The following SNTG1 variants were observed in gnomAD, a reference collection of about 807,000 sequenced individuals.
SNTG1 encodes the protein syntrophin gamma 1.
SNTG1 carries 39 observed loss-of-function variants against 74.7 expected under a neutral mutation model. The ratio of observed to expected loss-of-function variants is 0.52; its 90% CI spans 0.40 to 0.68. SNTG1 has a LOEUF of 0.68. Among genes scored for constraint, SNTG1 ranks in the 30% least tolerant of loss-of-function variants. The pLI is 0.00. For missense variants in SNTG1, 685 were observed against 609.5 expected (o/e 1.12, Z -1.30); for synonymous variants, 254 against 217.1 (o/e 1.17, Z -1.49).
chr8:50,021,948 ATAAAAAT>A (rs1375825119), intron 1 of SNTG1, among the ~76,000 whole-genome samples: 7 of 141,194 alleles, frequency 5.0e-5, no homozygotes, highest in African/African-American at 1.8e-4. Context: ...CAAAAAAAAA[ATAAAAAT>A]AAAAATAAAA....
chr8:49,971,375 T>C (rs963710488), intron 1 of SNTG1, among the ~76,000 whole-genome samples: 10 of 152,212 alleles, frequency 6.6e-5, no homozygotes, highest in Middle Eastern at 3.4e-3. Flanking sequence ...CTCAAAATAA[T>C]AAGAGCTATC....
In SNTG1 at chr8:50,257,607, A is replaced by G. The variant is rs577153927; in HGVS notation, c.-28+84972A>G. On this transcript the variant is annotated intron_variant, in intron 2 of 18. Transcript: ENST00000642720. ...TTAACACATTTGTGCCTGAGATTCA[A>G]TCTTTTTGAATTTTTGCAATCAGTC... is the stretch of plus-strand genomic sequence containing the variant. Among the ~76,000 whole-genome samples, 329 of 152,314 alleles carry G rather than the reference A, an allele frequency of 2.2e-3. 3 individuals are homozygous for G. The highest frequency in any genetic ancestry group is 5.8e-4 in the East Asian group (3 of 5,182).
intron 4 of SNTG1, among the ~76,000 whole-genome samples, chr8:50,421,036 A>AAAAAAAAAAAG (rs2093076242): frequency 1.1e-4 from 1 of 8,936 alleles, no homozygotes; most frequent in Non-Finnish European, 2.6e-4. Flanking sequence ...AAAAAAAAAA[A>AAAAAAAAAAAG]GGCGGTGGGC....
chr8:50,763,672 G>A (rs1410561130), intron 18 of SNTG1, among the ~76,000 whole-genome samples: 2 of 149,520 alleles, frequency 1.3e-5, no homozygotes, highest in Admixed American at 6.7e-5. Context: ...GTGTGTGTGT[G>A]TGTGTGTGTG....
chr8:50,787,759 GTATGATAC>G (rs1368801891), intron 18 of SNTG1, among the ~76,000 whole-genome samples: 1 of 151,934 alleles, frequency 6.6e-6, no homozygotes, highest in Non-Finnish European at 1.5e-5. Flanking sequence ...TATCTTATGT[GTATGATAC>G]TATTTATATG....
At chr8:50,401,637 G>A (rs928038059) in intron 3 of SNTG1, among the ~76,000 whole-genome samples, 3 of 152,142 alleles carry the variant, frequency 2.0e-5, no homozygotes, top group African/African-American at 7.2e-5. Context: ...GTCTGTGCAT[G>A]TGTGTATGCA....
At chr8:50,185,487 T>A (rs900208234) in intron 2 of SNTG1, among the ~76,000 whole-genome samples, 1 of 152,190 alleles carries the variant, frequency 6.6e-6, no homozygotes, top group Non-Finnish European at 1.5e-5. Context: ...ACTGCTTAGG[T>A]CAAAACCTGA....
intron 17 of SNTG1, among the ~76,000 whole-genome samples, chr8:50,717,415 A>G (rs1316185043): frequency 1.3e-5 from 2 of 152,218 alleles, no homozygotes; most frequent in African/African-American, 2.4e-5. Context: ...CATGAATTGA[A>G]TGGGAATGAT....
chr8:50,716,607 C>T (rs1004169894), intron 17 of SNTG1, among the ~76,000 whole-genome samples: 1 of 151,778 alleles, frequency 6.6e-6, no homozygotes, highest in African/African-American at 2.4e-5. Context: ...TCAAAGATAG[C>T]CCTAAAGTAA....
intron 18 of SNTG1, among the ~76,000 whole-genome samples, chr8:50,788,692 G>T (rs1000147466): frequency 1.3e-5 from 2 of 152,002 alleles, no homozygotes; most frequent in Admixed American, 6.6e-5. Flanking sequence ...CTATAAGTTA[G>T]TAGTTTGTCC....
intron 2 of SNTG1, among the ~76,000 whole-genome samples, chr8:50,274,335 C>T (rs1338735616): frequency 6.6e-6 from 1 of 151,980 alleles, no homozygotes. Flanking sequence ...GATCCACTCA[C>T]CTACGCTTCC....
intron 8 of SNTG1, among the ~76,000 whole-genome samples, chr8:50,500,236 T>C (rs541992359): frequency 6.6e-6 from 1 of 151,736 alleles, no homozygotes; most frequent in Non-Finnish European, 1.5e-5. Flanking sequence ...TTTTCTTTTT[T>C]TTTTTTGGTC....
intron 1 of SNTG1, among the ~76,000 whole-genome samples, chr8:50,146,183 G>A (rs2081857835): frequency 6.6e-6 from 1 of 152,044 alleles, no homozygotes; most frequent in Admixed American, 6.6e-5. Context: ...GTTTGTATGT[G>A]TGTGAACATG....
At chr8:50,783,787 C>T (rs146238305) in intron 18 of SNTG1, among the ~76,000 whole-genome samples, 2,295 of 152,266 alleles carry the variant, frequency 0.015, 41 homozygotes, top group African/African-American at 0.049. Context: ...TGGTCTTCTG[C>T]GTCGCTCACG....
At chr8:50,318,130 C>G (rs186587228) in intron 2 of SNTG1, among the ~76,000 whole-genome samples, 1 of 151,964 alleles carries the variant, frequency 6.6e-6, no homozygotes, top group African/African-American at 2.4e-5. Flanking sequence ...GCCACCGAGC[C>G]CAGCCACTTA....
At chr8:50,351,210 T>C (rs992929843) in intron 2 of SNTG1, among the ~76,000 whole-genome samples, 4 of 152,174 alleles carry the variant, frequency 2.6e-5, no homozygotes, top group African/African-American at 7.2e-5. Context: ...GTGTATTCAG[T>C]AGAATTAGGG....
At chr8:50,088,036 G>T (rs1428757724) in intron 1 of SNTG1, among the ~76,000 whole-genome samples, 16 of 146,738 alleles carry the variant, frequency 1.1e-4, no homozygotes, top group Non-Finnish European at 1.9e-4. Context: ...GCGGTGTTTG[G>T]TTTTTTGTTC....
At chr8:50,363,977 G>T (rs75861551) in intron 2 of SNTG1, among the ~76,000 whole-genome samples, 7,224 of 152,234 alleles carry the variant, frequency 0.047, 222 homozygotes, top group Middle Eastern at 0.1. Flanking sequence ...TGGAGGAAGG[G>T]GTTTGGAGCT....
At chr8:49,934,697 A>G (rs983789503) in intron 1 of SNTG1, among the ~76,000 whole-genome samples, 6 of 152,220 alleles carry the variant, frequency 3.9e-5, no homozygotes, top group African/African-American at 1.4e-4. Context: ...ATGACATTTC[A>G]TCAAAAATAC....
Sources: allele counts gnomAD v4.1 joint callset (sites outside exome capture counted in the v4.1 genomes callset), GRCh38; gene constraint gnomAD v4.1.1; transcripts MANE v1.5; gene names NCBI Gene and HGNC (gene_info 2026-07-23, HGNC 2026-07-21).